FSHR: variants seen among roughly 807,000 people sequenced by gnomAD.
The protein encoded by FSHR is follicle-stimulating hormone receptor.
A neutral mutation model predicts 52.1 loss-of-function variants in FSHR; 46 were observed. The ratio of observed to expected loss-of-function variants is 0.88; its 90% CI spans 0.70 to 1.13. FSHR has a LOEUF of 1.13. Ranked by LOEUF, FSHR falls within the 50% of genes most tolerant of loss-of-function variation. The pLI, the probability that FSHR is intolerant of heterozygous loss-of-function variation, is 0.00. For missense variants in FSHR, 964 were observed against 834.6 expected (o/e 1.16, Z -1.91); for synonymous variants, 399 against 309.6 (o/e 1.29, Z -3.03).
chr2:49,117,399 A>G (rs562757177), intron 1 of FSHR, among the ~76,000 whole-genome samples: 1 of 152,316 alleles, frequency 6.6e-6, no homozygotes, highest in Non-Finnish European at 1.5e-5. Context: ...TACTATCAGG[A>G]TAATAATAGT....
intron 2 of FSHR, among the ~76,000 whole-genome samples, chr2:49,067,805 T>C (rs2103617482): frequency 6.6e-6 from 1 of 152,166 alleles, no homozygotes; most frequent in East Asian, 1.9e-4. Flanking sequence ...CATGAATACT[T>C]TGGAAACAAG....
At chr2:48,986,374 A>G (rs572976458) in intron 6 of FSHR, among the ~76,000 whole-genome samples, 28 of 146,606 alleles carry the variant, frequency 1.9e-4, no homozygotes, top group African/African-American at 6.3e-4. Flanking sequence ...TTCAACAGTC[A>G]TCAGCGCCAT....
At chr2:49,049,887 A>G (rs1246294798) in intron 2 of FSHR, among the ~76,000 whole-genome samples, 1 of 151,270 alleles carries the variant, frequency 6.6e-6, no homozygotes, top group African/African-American at 2.4e-5. Flanking sequence ...AAGAAGCAAA[A>G]ATTCCAAACA....
At chr2:49,127,876 TC>T (rs1558456975) in intron 1 of FSHR, among the ~76,000 whole-genome samples, 1,925 of 48,836 alleles carry the variant, frequency 0.039, 211 homozygotes, top group East Asian at 0.12. Flanking sequence ...TTCTTCTTCT[TC>T]TTCTTCTTCT....
At chr2:49,064,859 T>G (rs1285529156) in intron 2 of FSHR, among the ~76,000 whole-genome samples, 2 of 152,150 alleles carry the variant, frequency 1.3e-5, no homozygotes, top group Non-Finnish European at 2.9e-5. Flanking sequence ...CTTGGAAAGT[T>G]CTGGAAAAGT....
intron 1 of FSHR, among the ~76,000 whole-genome samples, chr2:49,115,609 A>T (rs2103764878): frequency 6.6e-6 from 1 of 152,314 alleles, no homozygotes; most frequent in South Asian, 2.1e-4. Context: ...ATTTGAACCT[A>T]GGTGCCACAT....
intron 1 of FSHR, among the ~76,000 whole-genome samples, chr2:49,069,371 A>C (rs1669643450): frequency 1.3e-5 from 2 of 152,126 alleles, no homozygotes; most frequent in South Asian, 4.1e-4. Flanking sequence ...CCATTTGCTC[A>C]AATGTTACCA....
At chr2:49,094,003 A>G (rs12993431) in intron 1 of FSHR, among the ~76,000 whole-genome samples, 35,599 of 152,068 alleles carry the variant, frequency 0.23, 4,298 homozygotes, top group African/African-American at 0.27. Flanking sequence ...ATAATTATTA[A>G]TATCTTTAGA....
At chr2:49,114,204 C>T (rs1240716768) in intron 1 of FSHR, among the ~76,000 whole-genome samples, 2 of 152,174 alleles carry the variant, frequency 1.3e-5, no homozygotes, top group African/African-American at 4.8e-5. Context: ...ATCGCCAGTA[C>T]AATCACCTGC....
At chr2:49,126,727 T>C (rs1487923341) in intron 1 of FSHR, among the ~76,000 whole-genome samples, 1 of 152,128 alleles carries the variant, frequency 6.6e-6, no homozygotes, top group Non-Finnish European at 1.5e-5. Flanking sequence ...ATTAGATGCT[T>C]TTCTTAGGTT....
At chr2:49,083,209 G>T (rs2103662504) in intron 1 of FSHR, among the ~76,000 whole-genome samples, 2 of 150,908 alleles carry the variant, frequency 1.3e-5, no homozygotes, top group South Asian at 2.1e-4. Context: ...TTAAAGAAAA[G>T]AATTTTCAAC....
At chr2:49,083,990 C>G (rs1211317796) in intron 1 of FSHR, among the ~76,000 whole-genome samples, 1 of 151,734 alleles carries the variant, frequency 6.6e-6, no homozygotes, top group Non-Finnish European at 1.5e-5. Flanking sequence ...CTGCACCAAG[C>G]AGACCTAATA....
intron 2 of FSHR, among the ~76,000 whole-genome samples, chr2:49,043,499 C>A (rs1341582951): frequency 1.3e-5 from 2 of 152,164 alleles, no homozygotes; most frequent in Non-Finnish European, 2.9e-5. Flanking sequence ...TATGTCTATT[C>A]TTTGGAGACC....
At chr2:49,101,785 A>G (rs963650865) in intron 1 of FSHR, among the ~76,000 whole-genome samples, 1 of 152,180 alleles carries the variant, frequency 6.6e-6, no homozygotes, top group Non-Finnish European at 1.5e-5. Flanking sequence ...TACTTCTTAC[A>G]TTTATGGGGT....
chr2:49,047,732 T>C (rs1668712666), intron 2 of FSHR, among the ~76,000 whole-genome samples: 1 of 152,228 alleles, frequency 6.6e-6, no homozygotes, highest in African/African-American at 2.4e-5. Flanking sequence ...GATGCTGTTA[T>C]CCTTACTGGG....
chr2:48,967,213 A>T (rs1674515542), intron 9 of FSHR, among the ~76,000 whole-genome samples: 1 of 152,072 alleles, frequency 6.6e-6, no homozygotes, highest in Non-Finnish European at 1.5e-5. Context: ...CTCCCACTTT[A>T]GCCTCCCGAG....
chr2:49,133,699 C>A (rs12477021), intron 1 of FSHR, among the ~76,000 whole-genome samples: 14 of 151,876 alleles, frequency 9.2e-5, no homozygotes, highest in African/African-American at 2.9e-4. Context: ...CAAAACAGCA[C>A]GGTACTGATA....
Position 49,127,818 on chromosome 2 carries a change from TTCTTCTTCTTCC to T in FSHR, c.152+26436_152+26447del, listed in dbSNP as rs1558456507. On this transcript the variant is annotated intron_variant, in intron 1 of 9. Transcript: ENST00000406846. ...CTTCTTCTTCTTCTTCTTCTTCTTC[TTCTTCTTCTTCC>T]TCTTCTTCTTCTTCTTCTTCTTCTT... Among the ~76,000 whole-genome samples the T allele has an allele frequency of 1.4e-3, 95 of 68,172 alleles. 3 individuals carry two copies. The highest frequency in any genetic ancestry group is 2.7e-3 in the East Asian group (4 of 1,488). 44.7% of individuals were successfully genotyped at this position (68,172 alleles called of 152,430 possible). A position where few individuals can be genotyped will look rare whatever the true frequency, so the allele number is the denominator to read the frequency against.
At chr2:49,129,654 C>G (rs1183159295) in intron 1 of FSHR, among the ~76,000 whole-genome samples, 1 of 152,142 alleles carries the variant, frequency 6.6e-6, no homozygotes, top group Non-Finnish European at 1.5e-5. Context: ...GGCTCCAAAT[C>G]TCAAGATACT....
Sources: gnomAD v4.1 joint callset for allele counts (sites outside exome capture counted in the v4.1 genomes callset) on GRCh38, gnomAD v4.1.1 for gene constraint, MANE v1.5 for transcripts, NCBI Gene and HGNC (gene_info 2026-07-23, HGNC 2026-07-21) for gene names.